The following DLC1 variants were observed in gnomAD, a reference collection of about 807,000 sequenced individuals.
The protein encoded by DLC1 is DLC1 Rho GTPase activating protein.
Under a neutral mutation model 140.3 loss-of-function variants are expected in DLC1, and 54 were observed. The observed-to-expected ratio is 0.38, with a 90% CI of 0.31 to 0.48. DLC1 has a LOEUF of 0.48. Among genes scored for constraint, DLC1 ranks in the 20% least tolerant of loss-of-function variants. The pLI is 0.96. For missense variants in DLC1, 2,536 were observed against 1,907.0 expected (o/e 1.33, Z -6.14); for synonymous variants, 986 against 728.1 (o/e 1.35, Z -5.70).
intron 1 of DLC1, among the ~76,000 whole-genome samples, chr8:13,571,468 T>C (rs760449183): frequency 6.6e-6 from 1 of 152,226 alleles, no homozygotes. Context: ...ATGCAGTCTT[T>C]GTCATTTTGT....
At chr8:13,185,743 G>C (rs1826333224) in intron 5 of DLC1, among the ~76,000 whole-genome samples, 2 of 152,158 alleles carry the variant, frequency 1.3e-5, no homozygotes, top group Admixed American at 1.3e-4. Flanking sequence ...GCCTAACATT[G>C]ATGGTCTTTA....
At chr8:13,180,039 A>G (rs1316011020) in intron 5 of DLC1, among the ~76,000 whole-genome samples, 3 of 152,154 alleles carry the variant, frequency 2.0e-5, no homozygotes, top group Non-Finnish European at 4.4e-5. Context: ...TCTAGACGTA[A>G]GCCTTGATCT....
chr8:13,342,272 T>G (rs1212625204), intron 4 of DLC1: 1 of 152,204 alleles, frequency 6.6e-6, no homozygotes, highest in Non-Finnish European at 1.5e-5. Context: ...GGAAAAAGTG[T>G]TTCAAACATG....
At chr8:13,601,754 T>A (rs1435254540) in intron 1 of DLC1, among the ~76,000 whole-genome samples, 1 of 151,684 alleles carries the variant, frequency 6.6e-6, no homozygotes, top group Non-Finnish European at 1.5e-5. Flanking sequence ...GACAATTAAT[T>A]TTTACTATAT....
intron 2 of DLC1, among the ~76,000 whole-genome samples, chr8:13,453,519 T>TATAC (rs1799242677): frequency 2.2e-5 from 1 of 44,686 alleles, no homozygotes; most frequent in African/African-American, 9.5e-5. Flanking sequence ...TATATACATA[T>TATAC]ATATATATGT....
At chr8:13,483,911 A>G (rs1209123619) in intron 2 of DLC1, among the ~76,000 whole-genome samples, 1 of 151,950 alleles carries the variant, frequency 6.6e-6, no homozygotes, top group African/African-American at 2.4e-5. Context: ...GTGAACCCAA[A>G]TCTCTACTAA....
chr8:13,204,008 T>G (rs958415863), intron 5 of DLC1, among the ~76,000 whole-genome samples: 2 of 152,158 alleles, frequency 1.3e-5, no homozygotes, highest in Admixed American at 1.3e-4. Context: ...TTGATGTGTT[T>G]TGTGTCAACA....
intron 4 of DLC1, among the ~76,000 whole-genome samples, chr8:13,313,930 C>T (rs1262890696): frequency 6.6e-6 from 1 of 152,000 alleles, no homozygotes; most frequent in African/African-American, 2.4e-5. Flanking sequence ...TTAGGTAAGC[C>T]AGTGATGATA....
At chr8:13,130,487 A>G (rs1412561382) in intron 5 of DLC1, among the ~76,000 whole-genome samples, 3 of 152,150 alleles carry the variant, frequency 2.0e-5, no homozygotes, top group African/African-American at 7.2e-5. Context: ...TCTCTCAACT[A>G]CAGTACAGAA....
At chr8:13,291,313 T>C (rs1353193897) in intron 5 of DLC1, among the ~76,000 whole-genome samples, 1 of 152,236 alleles carries the variant, frequency 6.6e-6, no homozygotes, top group Non-Finnish European at 1.5e-5. Context: ...TTAAGGCTTA[T>C]AATAGAGAAT....
intron 1 of DLC1, among the ~76,000 whole-genome samples, chr8:13,550,751 C>G (rs1803817808): frequency 6.6e-6 from 1 of 152,038 alleles, no homozygotes; most frequent in Admixed American, 6.6e-5. Flanking sequence ...GCAGTTACTA[C>G]TGGAATCAAG....
intron 1 of DLC1, among the ~76,000 whole-genome samples, chr8:13,561,418 A>C (rs1397704082): frequency 6.6e-6 from 1 of 152,106 alleles, no homozygotes; most frequent in East Asian, 1.9e-4. Flanking sequence ...ATTCTTAAAG[A>C]TCCTCCTGCT....
At chr8:13,424,121 C>T (rs1838444259) in intron 2 of DLC1, among the ~76,000 whole-genome samples, 1 of 152,176 alleles carries the variant, frequency 6.6e-6, no homozygotes, top group Non-Finnish European at 1.5e-5. Context: ...AGTGTTCTGG[C>T]AGACTGTCCT....
At position 13,262,180 on chromosome 8, in the gene DLC1, T is replaced by C. The variant is rs73665924; in HGVS notation, c.1348+43089A>G. On this transcript the variant is annotated intron_variant, in intron 5 of 17. Transcript: ENST00000276297. ...AATTTCTGTATTGGTTGTGACTGAA[T>C]ATGTAAATGAAGGACACAAATGGGG... 4.8e-3 allele frequency among the ~76,000 whole-genome samples: 731 copies of C among 152,262 alleles called. 10 individuals carry two copies. Among genetic ancestry groups the C allele is most frequent in the African/African-American group, 0.016 (649 of 41,554 alleles).
chr8:13,431,318 C>T (rs1413028196), intron 2 of DLC1, among the ~76,000 whole-genome samples: 2 of 151,276 alleles, frequency 1.3e-5, no homozygotes, highest in African/African-American at 4.9e-5. Flanking sequence ...CCCATCTCTA[C>T]TCAAAATAGA....
At chr8:13,450,831 G>A (rs572227769) in intron 2 of DLC1, among the ~76,000 whole-genome samples, 1 of 151,794 alleles carries the variant, frequency 6.6e-6, no homozygotes, top group African/African-American at 2.4e-5. Flanking sequence ...AGGAGGTCAA[G>A]ATATTGAGAC....
chr8:13,243,182 C>G (rs567668429), intron 5 of DLC1, among the ~76,000 whole-genome samples: 1 of 150,168 alleles, frequency 6.7e-6, no homozygotes, highest in Non-Finnish European at 1.5e-5. Flanking sequence ...CCCAGCTACT[C>G]GGGAGACTGA....
intron 2 of DLC1, among the ~76,000 whole-genome samples, chr8:13,434,853 T>A (rs547845699): frequency 1.3e-5 from 2 of 152,160 alleles, no homozygotes; most frequent in South Asian, 4.2e-4. Context: ...CGAATTTTTG[T>A]ATTTTCTGTA....
At chr8:13,449,068 A>G (rs1205399850) in intron 2 of DLC1, among the ~76,000 whole-genome samples, 2 of 152,198 alleles carry the variant, frequency 1.3e-5, no homozygotes, top group Non-Finnish European at 2.9e-5. Context: ...AGCATATTAT[A>G]TACCTTACAA....
Sources: allele counts gnomAD v4.1 joint callset (sites outside exome capture counted in the v4.1 genomes callset), GRCh38; gene constraint gnomAD v4.1.1; transcripts MANE v1.5; gene names NCBI Gene and HGNC (gene_info 2026-07-23, HGNC 2026-07-21).